SDR42E1: variants seen among roughly 807,000 people sequenced by gnomAD.
SDR42E1 encodes the protein short chain dehydrogenase/reductase family 42E, member 1.
In SDR42E1, 5 loss-of-function variants were observed where a neutral mutation model predicts 2.6. The observed-to-expected ratio is 1.94, with a 90% CI of 1.01 to 4.08. The LOEUF (loss-of-function observed/expected upper bound fraction) is 4.08, where lower values mean the gene tolerates loss of function less well. Among genes scored for constraint, SDR42E1 ranks in the 30% most tolerant of loss-of-function variants. The pLI is 0.00. For missense variants in SDR42E1, 596 were observed against 478.6 expected, an observed-to-expected ratio of 1.25 and a Z score of -2.29; for synonymous variants, 231 against 188.3, an observed-to-expected ratio of 1.23 and a Z score of -1.86.
At chr16:82,004,721 C>T (rs75232273) in intron 1 of SDR42E1, among the ~76,000 whole-genome samples, 30 of 152,302 alleles carry the variant, frequency 2.0e-4, no homozygotes, top group African/African-American at 6.0e-4. Flanking sequence ...AGCAATGAAC[C>T]GTTGGGGCCA....
At position 81,996,471 on chromosome 16, in the gene SDR42E1, G is replaced by A. The variant is rs534272767; in HGVS notation, c.*2640C>T. ...GGTAGTGGAGATATTTACTAAGGAA[G>A]GGAGCCCTGTAAGAATTTGGGGTGG... On this transcript the variant is annotated 3_prime_UTR_variant, in exon 3 of 3. Coordinates refer to ENST00000328945, the MANE Select transcript of SDR42E1 (RefSeq NM_145168.3). 1 of 152,308 alleles carries A rather than the reference G, an allele frequency of 6.6e-6. No homozygotes were observed. The highest frequency in any genetic ancestry group is 1.9e-4 in the East Asian group (1 of 5,176). 9.4% of individuals were successfully genotyped at this position (152,308 alleles called of 1,614,324 possible).
Position 81,999,801 on chromosome 16 carries a change from C to T in SDR42E1, c.492G>A (p.Leu164=). 1 of 1,614,226 alleles carries T rather than the reference C, an allele frequency of 6.2e-7. No individual in the cohort carries two copies. Among genetic ancestry groups the T allele is most frequent in the Non-Finnish European group, 8.5e-7 (1 of 1,180,044 alleles). ...RTKSIAEQKV[L]EANATPLDRG... is the part of the protein sequence containing the mutation. ...TGTCCAGGGGTGTAGCATTCGCCTC[C>T]AGCACCTTCTGCTCTGCAATTGACT... The change falls in exon 3 of 3, where the codon CTG becomes CTA. Residue 164 remains leucine, a synonymous_variant. Coordinates refer to ENST00000328945, the MANE Select transcript of SDR42E1 (RefSeq NM_145168.3).
intron 1 of SDR42E1, among the ~76,000 whole-genome samples, chr16:82,003,129 G>C (rs146844074): frequency 2.4e-4 from 37 of 152,302 alleles, no homozygotes; most frequent in African/African-American, 8.7e-4. Context: ...TGAGGGTATG[G>C]AGAAGAGTGA....
intron 1 of SDR42E1, among the ~76,000 whole-genome samples, chr16:82,001,614 GGA>G (rs1912760506): frequency 6.6e-6 from 1 of 151,974 alleles, no homozygotes; most frequent in South Asian, 2.1e-4. Flanking sequence ...CATGTGGGAG[GGA>G]GAGAGGCCAG....
Position 82,008,891 on chromosome 16 carries a change from A to C in SDR42E1, c.-27+2496T>G, listed in dbSNP as rs550100340. Among the ~76,000 whole-genome samples, 536 of 152,268 alleles carry C rather than the reference A, an allele frequency of 3.5e-3. 5 individuals are homozygous for C. The highest frequency in any genetic ancestry group is 0.012 in the African/African-American group (515 of 41,562). ...CAAAGGCCCAGAAGTCTAGGAGGCA[A>C]AAATGGTTTCCTGGGCTGGGTCCAG... On this transcript the variant is annotated intron_variant, in intron 1 of 2. Coordinates refer to ENST00000328945, the MANE Select transcript of SDR42E1 (RefSeq NM_145168.3).
intron 1 of SDR42E1, among the ~76,000 whole-genome samples, chr16:82,003,698 C>T (rs1912843530): frequency 6.6e-6 from 1 of 152,158 alleles, no homozygotes; most frequent in Admixed American, 6.5e-5. Context: ...GATGCCTGTA[C>T]CCTAAATGTT....
chr16:82,001,991 C>CACAT (rs1567564737), intron 1 of SDR42E1, among the ~76,000 whole-genome samples: 1 of 149,422 alleles, frequency 6.7e-6, no homozygotes, highest in African/African-American at 2.5e-5. Flanking sequence ...CACACACACA[C>CACAT]ATATACCTGT....
At chr16:82,007,399 A>T (rs190967303) in intron 1 of SDR42E1, among the ~76,000 whole-genome samples, 1 of 152,350 alleles carries the variant, frequency 6.6e-6, no homozygotes, top group East Asian at 1.9e-4. Flanking sequence ...GCATTGTGCA[A>T]CACTCTGTCT....
chr16:82,006,653 G>A (rs908262799), intron 1 of SDR42E1, among the ~76,000 whole-genome samples: 1 of 152,114 alleles, frequency 6.6e-6, no homozygotes, highest in African/African-American at 2.4e-5. Context: ...AATTCGCCAG[G>A]CGTGGTGATG....
chr16:81,999,713 G>C lies in SDR42E1; in HGVS notation c.580C>G (p.Gln194Glu). 6.2e-7 allele frequency: 1 copy of C among 1,614,192 alleles called. No individual in the cohort carries two copies. The highest frequency in any genetic ancestry group is 8.5e-7 in the Non-Finnish European group (1 of 1,180,042). Reference sequence around the variant, plus strand: ...CTGACTATCCTGGGAAGGTGTCTTTGTTCTCCAGGCCCATAGATGCCAGCT... The same window carrying C: ...CTGACTATCCTGGGAAGGTGTCTTTCTTCTCCAGGCCCATAGATGCCAGCT... ...RPAGIYGPGE[Q>E]RHLPRIVSYI... Residue 194 changes from glutamine (Q) to glutamate (E), a missense_variant, in exon 3 of 3, where the codon CAA (glutamine) becomes GAA (glutamate). Gln to Glu is a conservative substitution (Grantham distance 29). Coordinates refer to ENST00000328945, the MANE Select transcript of SDR42E1 (RefSeq NM_145168.3).
chr16:82,001,447 G>T (rs571172049), intron 1 of SDR42E1, among the ~76,000 whole-genome samples: 1 of 152,170 alleles, frequency 6.6e-6, no homozygotes, highest in African/African-American at 2.4e-5. Flanking sequence ...CGCAAATCTT[G>T]CAAGTACTTA....
chr16:82,002,982 C>T (rs1912816971), intron 1 of SDR42E1, among the ~76,000 whole-genome samples: 1 of 152,152 alleles, frequency 6.6e-6, no homozygotes, highest in African/African-American at 2.4e-5. Context: ...CACAGGGTTA[C>T]AAAGAGTTTT....
chr16:82,005,468 C>A (rs1939755386), intron 1 of SDR42E1, among the ~76,000 whole-genome samples: 1 of 152,220 alleles, frequency 6.6e-6, no homozygotes, highest in South Asian at 2.1e-4. Flanking sequence ...CGCCTCCTCC[C>A]TTCCTGATCC....
intron 1 of SDR42E1, among the ~76,000 whole-genome samples, chr16:82,005,824 A>G (rs1251218286): frequency 6.6e-6 from 1 of 150,474 alleles, no homozygotes; most frequent in Non-Finnish European, 1.5e-5. Flanking sequence ...CACATGATCA[A>G]GAAACAACAA....
At chr16:82,008,581 T>A (rs1913025286) in intron 1 of SDR42E1, among the ~76,000 whole-genome samples, 1 of 152,216 alleles carries the variant, frequency 6.6e-6, no homozygotes, top group Non-Finnish European at 1.5e-5. Flanking sequence ...TGGCATTTTG[T>A]CCTTGCCCTA....
Position 81,999,571 on chromosome 16 carries a change from G to C in SDR42E1, c.722C>G (p.Ala241Gly), listed in dbSNP as rs374759017. ...AHILASEALRADKGHIASGQP... is the reference protein window; with the variant it reads ...AHILASEALRGDKGHIASGQP... ...CCCAGAGGCAATATGGCCCTTGTCAGCTCTCAGGGCTTCTGAGGCCAGAAT... is the reference window on the plus strand; with the variant it reads ...CCCAGAGGCAATATGGCCCTTGTCACCTCTCAGGGCTTCTGAGGCCAGAAT... The change falls in exon 3 of 3, where the codon GCT (alanine) becomes GGT (glycine). Residue 241 changes from alanine to glycine, a missense_variant. Ala to Gly is a moderately conservative substitution (Grantham distance 60). Transcript: ENST00000328945. 4.3e-6 allele frequency: 7 copies of C among 1,614,146 alleles called. No homozygotes were observed. The highest frequency in any genetic ancestry group is 1.7e-5 in the Admixed American group (1 of 60,024).
chr16:81,999,478 C>T lies in SDR42E1; in HGVS notation c.815G>A (p.Gly272Asp). The change falls in exon 3 of 3, where the codon GGC becomes GAC. Residue 272 changes from glycine to aspartate, a missense_variant. Transcript: ENST00000328945. ...GGTAGACGGGAATGTGTAGCCCAGG[C>T]CCTCAACCAGAGGCCGGAAGAACTC... is the stretch of plus-strand genomic sequence containing the variant. ...NFEFFRPLVE[G>D]LGYTFPSTRL... 6.2e-7 allele frequency: 1 copy of T among 1,614,138 alleles called. No individual in the cohort carries two copies. Among genetic ancestry groups the T allele is most frequent in the Non-Finnish European group, 8.5e-7 (1 of 1,180,038 alleles).
Position 81,999,832 on chromosome 16 carries a change from C to T in SDR42E1, c.461G>A (p.Arg154Gln), listed in dbSNP as rs112849482. The T allele has an allele frequency of 5.0e-5, 81 of 1,614,088 alleles. 1 individual carries two copies. The African/African-American group carries it at 5.5e-4, about 11-fold the overall frequency. The change falls in exon 3 of 3, where the codon CGG becomes CAG. Residue 154 changes from arginine (R) to glutamine (Q), a missense_variant. By Grantham distance (43) the Arg-to-Gln change is conservative. Coordinates refer to ENST00000328945, the MANE Select transcript of SDR42E1 (RefSeq NM_145168.3). ...CTTCTGCTCTGCAATTGACTTTGTC[C>T]GAGAGTAGTGATCAGGGTGGAGGTG... ...PLHLHPDHYSRTKSIAEQKVL... is the reference protein window; with the variant it reads ...PLHLHPDHYSQTKSIAEQKVL...
chr16:82,004,061 A>T (rs111704576), intron 1 of SDR42E1, among the ~76,000 whole-genome samples: 1,584 of 152,358 alleles, frequency 0.01, 27 homozygotes, highest in South Asian at 0.068. Flanking sequence ...TACAAACCCA[A>T]ACGAGACAGA....
Sources: gnomAD v4.1 joint callset for allele counts (sites outside exome capture counted in the v4.1 genomes callset) on GRCh38, gnomAD v4.1.1 for gene constraint, MANE v1.5 for transcripts, NCBI Gene and HGNC (gene_info 2026-07-23, HGNC 2026-07-21) for gene names.